LRP12: variants seen among roughly 807,000 people sequenced by gnomAD.
LRP12 encodes the protein low-density lipoprotein receptor-related protein 12.
A neutral mutation model predicts 66.0 loss-of-function variants in LRP12; 14 were observed. The observed-to-expected ratio is 0.21, with a 90% confidence interval of 0.14 to 0.33. The LOEUF (loss-of-function observed/expected upper bound fraction) is 0.33, where lower values mean the gene tolerates loss of function less well. Among genes scored for constraint, LRP12 ranks in the 10% least tolerant of loss-of-function variants. LRP12 has a pLI of 1.00. For synonymous variants in LRP12, 357 were observed against 359.1 expected (o/e 0.99, Z 0.07); for missense variants, 889 against 1,053.4 (o/e 0.84, Z 2.16).
chr8:104,512,333 T>C (rs1288529853), intron 2 of LRP12, among the ~76,000 whole-genome samples: 7 of 152,110 alleles, frequency 4.6e-5, no homozygotes, highest in Non-Finnish European at 1.0e-4. Flanking sequence ...AACACAGCAT[T>C]CTGGAGTCGC....
At chr8:104,566,060 C>T (rs1218482790) in intron 1 of LRP12, 1 of 208,530 alleles carries the variant, frequency 4.8e-6, no homozygotes, top group East Asian at 1.0e-4. Flanking sequence ...AAAAAAATGG[C>T]AGGTCATTGG....
intron 1 of LRP12, among the ~76,000 whole-genome samples, chr8:104,533,439 C>A (rs1811355002): frequency 6.6e-6 from 1 of 152,068 alleles, no homozygotes; most frequent in Non-Finnish European, 1.5e-5. Context: ...GTACTGGCCA[C>A]CTTGGGAGTG....
intron 1 of LRP12, among the ~76,000 whole-genome samples, chr8:104,547,794 TTA>T (rs1330522264): frequency 7.8e-6 from 1 of 129,020 alleles, no homozygotes; most frequent in Non-Finnish European, 1.6e-5. Flanking sequence ...TAATATATAA[TTA>T]TATATTATAT....
chr8:104,514,112 C>T (rs1435185325), intron 2 of LRP12, among the ~76,000 whole-genome samples: 2 of 152,072 alleles, frequency 1.3e-5, no homozygotes, highest in Admixed American at 6.6e-5. Context: ...AGATTAAAAC[C>T]GGAAATTTCA....
At chr8:104,558,818 A>G (rs1228491926) in intron 1 of LRP12, among the ~76,000 whole-genome samples, 1 of 152,198 alleles carries the variant, frequency 6.6e-6, no homozygotes, top group African/African-American at 2.4e-5. Flanking sequence ...ACAATTCTTT[A>G]AAGAAGATAT....
intron 2 of LRP12, among the ~76,000 whole-genome samples, chr8:104,513,096 G>A (rs1032614278): frequency 1.3e-5 from 2 of 151,976 alleles, no homozygotes; most frequent in African/African-American, 2.4e-5. Flanking sequence ...AACACACTGA[G>A]TATGTAGACA....
chr8:104,526,619 G>A, intron 2 of LRP12, among the ~76,000 whole-genome samples: 1 of 141,866 alleles, frequency 7.0e-6, no homozygotes, highest in Non-Finnish European at 1.5e-5. Flanking sequence ...TGGGAAAACT[G>A]GCTAGCCATA....
intron 1 of LRP12, among the ~76,000 whole-genome samples, chr8:104,587,783 A>G (rs1036949726): frequency 6.6e-6 from 1 of 152,244 alleles, no homozygotes; most frequent in Non-Finnish European, 1.5e-5. Context: ...CAAATGAATT[A>G]GACTTTTTAT....
In LRP12 at chr8:104,506,849, T is replaced by C. The variant is rs1330226759; in HGVS notation, c.272+2090A>G. ...AGTTTTATACAGACAGTTCTCAGTA[T>C]TGTTTTTACTCCGTAACTTTAGTTT... On this transcript the variant is annotated intron_variant, in intron 3 of 6. Coordinates refer to ENST00000276654, the MANE Select transcript of LRP12 (RefSeq NM_013437.5). The C allele has an allele frequency of 4.6e-5, 7 of 152,308 alleles. No homozygotes were observed. In the East Asian group the frequency reaches 1.2e-3, roughly 25 times the overall value. 9.4% of individuals were successfully genotyped at this position (152,308 alleles called of 1,614,324 possible).
intron 2 of LRP12, among the ~76,000 whole-genome samples, chr8:104,526,325 A>G (rs1329856751): frequency 1.3e-5 from 2 of 152,128 alleles, no homozygotes; most frequent in Admixed American, 1.3e-4. Flanking sequence ...GAATTGGAAA[A>G]AACTATTTTA....
chr8:104,548,492 C>A (rs1811667700), intron 1 of LRP12, among the ~76,000 whole-genome samples: 1 of 122,728 alleles, frequency 8.1e-6, no homozygotes, highest in African/African-American at 3.2e-5. Flanking sequence ...TATTTTGTAT[C>A]TAATATATAA....
chr8:104,533,640 T>C (rs1471532636), intron 1 of LRP12, among the ~76,000 whole-genome samples: 1 of 152,066 alleles, frequency 6.6e-6, no homozygotes, highest in Non-Finnish European at 1.5e-5. Context: ...TTCCAGTATC[T>C]GTAAGATAGC....
chr8:104,566,383 G>C (rs1158291545), intron 1 of LRP12: 1 of 261,002 alleles, frequency 3.8e-6, no homozygotes, highest in Non-Finnish European at 7.5e-6. Context: ...AAAACCATGG[G>C]AGCCTTAGGG....
intron 1 of LRP12, among the ~76,000 whole-genome samples, chr8:104,534,838 T>C (rs575195381): frequency 9.3e-4 from 142 of 151,950 alleles, no homozygotes; most frequent in African/African-American, 3.1e-3. Context: ...TACCAGTAGA[T>C]AGCCCAAAGA....
rs1313883325 is a variant in LRP12 at position 104,588,962 on chromosome 8, C to T, written c.-65G>A. ...GGAGGGAGGAGAAGCTGGAGGTAGACGACGCCGACGCCGCCGCCGCCGCCG... is the reference window on the plus strand; with the variant it reads ...GGAGGGAGGAGAAGCTGGAGGTAGATGACGCCGACGCCGCCGCCGCCGCCG... On this transcript the variant is annotated 5_prime_UTR_variant, in exon 1 of 7. Coordinates refer to ENST00000276654, the MANE Select transcript of LRP12 (RefSeq NM_013437.5). 1 of 954,504 alleles carries T rather than the reference C, an allele frequency of 1.0e-6. No individual in the cohort carries two copies. The highest frequency in any genetic ancestry group is 1.4e-6 in the Non-Finnish European group (1 of 698,666). 59.1% of individuals were successfully genotyped at this position (954,504 alleles called of 1,614,324 possible).
chr8:104,494,743 C>G (rs1244094371), intron 6 of LRP12, among the ~76,000 whole-genome samples: 1 of 152,018 alleles, frequency 6.6e-6, no homozygotes, highest in Non-Finnish European at 1.5e-5. Context: ...ATATTGCTAG[C>G]ATATTAATTT....
intron 2 of LRP12, among the ~76,000 whole-genome samples, chr8:104,516,260 A>AT (rs779404572): frequency 2.0e-5 from 3 of 152,160 alleles, no homozygotes; most frequent in Non-Finnish European, 2.9e-5. Context: ...CGTAGATAGC[A>AT]TCTTCTTAGT....
intron 3 of LRP12, among the ~76,000 whole-genome samples, chr8:104,501,057 A>C (rs1451325481): frequency 1.3e-5 from 2 of 152,082 alleles, no homozygotes; most frequent in Non-Finnish European, 2.9e-5. Context: ...GGTTATTTCT[A>C]TTTCTTTTAC....
chr8:104,559,387 T>G (rs1811866796), intron 1 of LRP12, among the ~76,000 whole-genome samples: 2 of 152,084 alleles, frequency 1.3e-5, no homozygotes, highest in Admixed American at 1.3e-4. Context: ...TTCTCATTCA[T>G]AAATGGGAGC....
Sources: gnomAD v4.1 joint callset for allele counts (sites outside exome capture counted in the v4.1 genomes callset) on GRCh38, gnomAD v4.1.1 for gene constraint, MANE v1.5 for transcripts, NCBI Gene and HGNC (gene_info 2026-07-23, HGNC 2026-07-21) for gene names.